The following STK24 variants were observed in gnomAD, a reference collection of about 807,000 sequenced individuals.
STK24 encodes serine/threonine-protein kinase 24.
Under a neutral mutation model 55.6 loss-of-function variants are expected in STK24, and 21 were observed. That is an observed-to-expected ratio of 0.38 (90% CI 0.27 to 0.54). The LOEUF is 0.54. Among genes scored for constraint, STK24 ranks in the 20% least tolerant of loss-of-function variants. STK24 has a pLI of 0.79. For synonymous variants in STK24, 200 were observed against 215.2 expected (o/e 0.93, Z 0.62); for missense variants, 383 against 538.4 (o/e 0.71, Z 2.86).
At chr13:98,495,513 G>A (rs185723158) in intron 2 of STK24, among the ~76,000 whole-genome samples, 69 of 152,314 alleles carry the variant, frequency 4.5e-4, no homozygotes, top group Non-Finnish European at 8.2e-4. Flanking sequence ...ACATTAGCCA[G>A]AAAACAGAGC....
rs1893719359 is a variant in STK24 at position 98,461,835 on chromosome 13, T to C, written c.992A>G (p.Glu331Gly). 1 of 1,614,146 alleles carries C rather than the reference T, an allele frequency of 6.2e-7. No individual in the cohort carries two copies. The highest frequency in any genetic ancestry group is 1.3e-5 in the African/African-American group (1 of 75,054). ...DSGDWIFTIR[E>G]KDPKNLENGA... ...ATTCTCGAGATTCTTGGGATCTTTT[T>C]CTCGGATTGTGAAGATCCAGTCCCC... The change falls in exon 8 of 11, where the codon GAA (glutamate) becomes GGA (glycine). Residue 331 changes from glutamate (E) to glycine (G), a missense_variant. Glu to Gly is a moderately conservative substitution (Grantham distance 98). Transcript: ENST00000539966.
chr13:98,488,650 G>A (rs976233445), intron 2 of STK24, among the ~76,000 whole-genome samples: 1 of 151,992 alleles, frequency 6.6e-6, no homozygotes, highest in Non-Finnish European at 1.5e-5. Context: ...ATTTAATATA[G>A]ACATACTATC....
intron 1 of STK24, among the ~76,000 whole-genome samples, chr13:98,527,763 C>A (rs1433214815): frequency 2.6e-5 from 4 of 152,210 alleles, no homozygotes; most frequent in Non-Finnish European, 5.9e-5. Flanking sequence ...ACCAGCACCA[C>A]CCAGCCACAG....
At chr13:98,479,591 C>T (rs1433650079) in intron 3 of STK24, among the ~76,000 whole-genome samples, 2 of 152,154 alleles carry the variant, frequency 1.3e-5, no homozygotes, top group African/African-American at 4.8e-5. Flanking sequence ...ATACGTGGGG[C>T]CCGAGATTTA....
chr13:98,485,863 C>G (rs1335916778), intron 2 of STK24, among the ~76,000 whole-genome samples: 1 of 152,236 alleles, frequency 6.6e-6, no homozygotes, highest in East Asian at 1.9e-4. Flanking sequence ...TGCACCACCG[C>G]CTGGCACTTC....
chr13:98,517,238 A>C (rs1339244705), intron 2 of STK24, among the ~76,000 whole-genome samples: 1 of 152,264 alleles, frequency 6.6e-6, no homozygotes. Context: ...AATTTACTAG[A>C]ACACTACTGC....
chr13:98,524,787 T>A (rs1024340464), intron 1 of STK24, among the ~76,000 whole-genome samples: 6 of 152,212 alleles, frequency 3.9e-5, no homozygotes, highest in African/African-American at 1.2e-4. Flanking sequence ...CCTGCCTGTT[T>A]TCCTTTTGCC....
At chr13:98,565,354 G>A (rs1336438715) in intron 1 of STK24, among the ~76,000 whole-genome samples, 2 of 152,062 alleles carry the variant, frequency 1.3e-5, no homozygotes, top group African/African-American at 2.4e-5. Flanking sequence ...AGGGCTGGGC[G>A]CGGTGGCTCA....
chr13:98,566,972 T>C (rs1214074821), intron 1 of STK24, among the ~76,000 whole-genome samples: 1 of 152,208 alleles, frequency 6.6e-6, no homozygotes, highest in Non-Finnish European at 1.5e-5. Context: ...GACGAAACTA[T>C]ACCTAAAATA....
At chr13:98,463,012 C>T (rs1893778198) in intron 7 of STK24, among the ~76,000 whole-genome samples, 2 of 152,194 alleles carry the variant, frequency 1.3e-5, no homozygotes, top group South Asian at 4.1e-4. Context: ...CTGGAATCAC[C>T]TAGAGACCCT....
intron 8 of STK24, 77 bp downstream of exon 8, chr13:98,461,697 G>GC: frequency 6.3e-7 from 1 of 1,582,036 alleles, no homozygotes; most frequent in East Asian, 2.3e-5. Context: ...CGCACCCACA[G>GC]CAAGCTTCAC....
At chr13:98,549,937 T>G (rs896550723) in intron 1 of STK24, among the ~76,000 whole-genome samples, 8 of 152,204 alleles carry the variant, frequency 5.3e-5, no homozygotes, top group African/African-American at 1.9e-4. Flanking sequence ...CCTATTTCCT[T>G]GCCTCCTGAC....
intron 5 of STK24, among the ~76,000 whole-genome samples, chr13:98,467,697 C>T (rs1350039778): frequency 6.6e-6 from 1 of 152,134 alleles, no homozygotes; most frequent in Non-Finnish European, 1.5e-5. Flanking sequence ...GGTCCAGCTG[C>T]CCCACCTCCT....
intron 3 of STK24, among the ~76,000 whole-genome samples, chr13:98,478,949 C>G (rs1894486064): frequency 6.6e-6 from 1 of 152,172 alleles, no homozygotes; most frequent in Admixed American, 6.5e-5. Context: ...GTGTAATTGA[C>G]AGACCTCCCC....
At chr13:98,551,219 G>C (rs1386170941) in intron 1 of STK24, among the ~76,000 whole-genome samples, 1 of 151,558 alleles carries the variant, frequency 6.6e-6, no homozygotes, top group East Asian at 1.9e-4. Context: ...CCGGGAGGCG[G>C]AGCTTGCAGT....
At chr13:98,517,250 G>C (rs1213299983) in intron 2 of STK24, among the ~76,000 whole-genome samples, 1 of 152,202 alleles carries the variant, frequency 6.6e-6, no homozygotes, top group Non-Finnish European at 1.5e-5. Context: ...CACTACTGCT[G>C]AAGTAATTTC....
At chr13:98,534,759 A>G (rs1896666112) in intron 1 of STK24, among the ~76,000 whole-genome samples, 1 of 152,138 alleles carries the variant, frequency 6.6e-6, no homozygotes, top group Admixed American at 6.6e-5. Flanking sequence ...TCAATCTCCT[A>G]TGATTCCATC....
At chr13:98,488,201 ACACACG>A (rs1594603412) in intron 2 of STK24, among the ~76,000 whole-genome samples, 2 of 150,474 alleles carry the variant, frequency 1.3e-5, no homozygotes, top group African/African-American at 4.9e-5. Context: ...ACACACACAC[ACACACG>A]GGAAGACCAC....
At chr13:98,475,083 A>C in intron 4 of STK24, 105 bp from the exon 5 acceptor site, 1 of 1,460,656 alleles carries the variant, frequency 6.8e-7, no homozygotes. Flanking sequence ...CACCGAGCAC[A>C]GGCACCGGGG....
Sources: allele counts gnomAD v4.1 joint callset (sites outside exome capture counted in the v4.1 genomes callset), GRCh38; gene constraint gnomAD v4.1.1; transcripts MANE v1.5; gene names NCBI Gene and HGNC (gene_info 2026-07-23, HGNC 2026-07-21).